Variants in WDFY4 observed in about 807,000 individuals in gnomAD.
WDFY4 encodes the protein WDFY family member 4.
Under a neutral mutation model 351.9 loss-of-function variants are expected in WDFY4, and 169 were observed. The ratio of observed to expected loss-of-function variants is 0.48; its 90% CI spans 0.42 to 0.55. The LOEUF (loss-of-function observed/expected upper bound fraction) is 0.55, where lower values mean the gene tolerates loss of function less well. Ranked by LOEUF, WDFY4 falls within the 20% of genes least tolerant of loss-of-function variation. The probability of loss-of-function intolerance (pLI) is 0.00; values close to 1 mark genes in which losing one functional copy is unlikely to be tolerated. For missense variants in WDFY4, 3,803 were observed against 3,935.6 expected, an observed-to-expected ratio of 0.97 and a Z score of 0.90; for synonymous variants, 1,622 against 1,574.6, an observed-to-expected ratio of 1.03 and a Z score of -0.71.
At chr10:48,771,507 G>C (rs935721449) in intron 13 of WDFY4, among the ~76,000 whole-genome samples, 1 of 152,148 alleles carries the variant, frequency 6.6e-6, no homozygotes, top group African/African-American at 2.4e-5. Flanking sequence ...AAAATGCTTA[G>C]AAAAGGGCCT....
chr10:48,805,805 G>A (rs2067234492), intron 26 of WDFY4, among the ~76,000 whole-genome samples, 199 bp from the exon 27 acceptor site: 1 of 152,300 alleles, frequency 6.6e-6, no homozygotes, highest in Non-Finnish European at 1.5e-5. Context: ...AATTGATCAG[G>A]TAGAGCCAGA....
At chr10:48,913,705 G>C (rs1239671860) in intron 47 of WDFY4, 6 of 1,612,446 alleles carry the variant, frequency 3.7e-6, no homozygotes, top group Non-Finnish European at 5.1e-6. Context: ...TTGTCATGGA[G>C]CCCTACCTCG....
chr10:48,731,089 C>T, intron 8 of WDFY4, 21 bp from the exon 9 acceptor site: 2 of 1,501,382 alleles, frequency 1.3e-6, no homozygotes, highest in Non-Finnish European at 1.8e-6. Context: ...CTTGTAAGAT[C>T]ATTCTTGTTT....
chr10:48,955,265 G>A (rs1476863793), intron 51 of WDFY4, among the ~76,000 whole-genome samples: 1 of 152,184 alleles, frequency 6.6e-6, no homozygotes, highest in Non-Finnish European at 1.5e-5. Flanking sequence ...AGAGCAAAGC[G>A]ACCTTGGGGA....
At position 48,832,533 on chromosome 10, in the gene WDFY4, C is replaced by G. The variant is rs756889571; in HGVS notation, c.6527-40C>G. ...GCTAGCTATAAAAATAGTGTGTGCT[C>G]TCACTTCACCTCTGACATTCTTTGC... On this transcript the variant is annotated intron_variant, in intron 38 of 61. Transcript: ENST00000325239. The G allele has an allele frequency of 4.7e-6, 7 of 1,496,202 alleles. No homozygotes were observed. The South Asian group carries it at 9.1e-5, about 19-fold the overall frequency. The allele number at this position is 1,496,202 out of a possible 1,614,324, so 92.7% of individuals were successfully genotyped here.
intron 39 of WDFY4, among the ~76,000 whole-genome samples, chr10:48,861,758 C>T (rs1254251376): frequency 6.6e-6 from 1 of 151,998 alleles, no homozygotes; most frequent in Non-Finnish European, 1.5e-5. Flanking sequence ...GGGATTTTTT[C>T]AGCCATTTTT....
At chr10:48,919,056 C>T (rs1417272362) in intron 47 of WDFY4, among the ~76,000 whole-genome samples, 1 of 152,062 alleles carries the variant, frequency 6.6e-6, no homozygotes, top group Admixed American at 6.6e-5. Context: ...TCCACTAACA[C>T]AGACTATATT....
intron 47 of WDFY4, among the ~76,000 whole-genome samples, chr10:48,911,801 CACTT>C (rs1288237450): frequency 1.3e-5 from 2 of 152,226 alleles, no homozygotes; most frequent in African/African-American, 4.8e-5. Flanking sequence ...CAATGAAAAA[CACTT>C]AATAAAGGGA....
intron 12 of WDFY4, chr10:48,746,174 C>G (rs1257639974): frequency 6.6e-6 from 1 of 152,362 alleles, no homozygotes; most frequent in African/African-American, 2.4e-5. Flanking sequence ...TTATTGAGAA[C>G]GATGCATTCA....
At chr10:48,705,663 G>T (rs1357865892) in intron 1 of WDFY4, among the ~76,000 whole-genome samples, 2 of 152,206 alleles carry the variant, frequency 1.3e-5, no homozygotes, top group East Asian at 1.9e-4. Context: ...GCAATTTCAG[G>T]GGTCCGCATT....
intron 47 of WDFY4, among the ~76,000 whole-genome samples, chr10:48,909,064 CCATTGAGATACATTCAAG>C (rs1837783888): frequency 6.6e-6 from 1 of 152,032 alleles, no homozygotes; most frequent in Non-Finnish European, 1.5e-5. Context: ...GAGAATAGTG[CCATTGAGATACATTCAAG>C]TTGTTGCATG....
intron 30 of WDFY4, among the ~76,000 whole-genome samples, chr10:48,813,369 A>G (rs777055653): frequency 1.3e-5 from 2 of 152,222 alleles, no homozygotes; most frequent in Non-Finnish European, 2.9e-5. Flanking sequence ...TTATTTCTCT[A>G]ACATATCTCA....
chr10:48,910,578 T>A (rs1236579188), intron 47 of WDFY4, among the ~76,000 whole-genome samples: 1 of 152,180 alleles, frequency 6.6e-6, no homozygotes, highest in East Asian at 1.9e-4. Flanking sequence ...GGTCTCTATC[T>A]CCAGTCTGCT....
chr10:48,825,359 T>C (rs1431832095), intron 35 of WDFY4, among the ~76,000 whole-genome samples: 1 of 152,228 alleles, frequency 6.6e-6, no homozygotes, highest in Non-Finnish European at 1.5e-5. Flanking sequence ...CAATCTATCA[T>C]TGATAGACAT....
At chr10:48,799,837 C>T (rs115726545) in intron 24 of WDFY4, among the ~76,000 whole-genome samples, 3,856 of 152,232 alleles carry the variant, frequency 0.025, 147 homozygotes, top group African/African-American at 0.088. Flanking sequence ...AGTCAGTGGA[C>T]TTTGGAAAAT....
intron 47 of WDFY4, among the ~76,000 whole-genome samples, chr10:48,915,884 G>T (rs143823445): frequency 6.6e-6 from 1 of 152,086 alleles, no homozygotes; most frequent in African/African-American, 2.4e-5. Flanking sequence ...CCCCATTTTC[G>T]GGCATAATTG....
intron 4 of WDFY4, 132 bp downstream of exon 4, chr10:48,721,499 T>C: frequency 3.8e-6 from 3 of 788,444 alleles, no homozygotes; most frequent in Non-Finnish European, 6.3e-6. Flanking sequence ...TTCTCCTCCC[T>C]CCTCCCCTTC....
Position 48,787,947 on chromosome 10 carries a change from T to TCTC in WDFY4, c.3809-581_3809-580insCCT, listed in dbSNP as rs1387569919. On this transcript the variant is annotated intron_variant, in intron 20 of 61. Transcript: ENST00000325239. Reference sequence around the variant, plus strand: ...TTCTTCTTCTTCTTCTTCTTCTTCTTCTTCTTCTTCTTCTTCTTCTTCTTC... The same window carrying TCTC: ...TTCTTCTTCTTCTTCTTCTTCTTCTTCTCCTTCTTCTTCTTCTTCTTCTTCTTC... Among the ~76,000 whole-genome samples, 464 of 85,718 alleles carry TCTC rather than the reference T, an allele frequency of 5.4e-3. 20 individuals carry two copies. Among genetic ancestry groups the TCTC allele is most frequent in the South Asian group, 0.013 (28 of 2,122 alleles). 56.2% of individuals were successfully genotyped at this position (85,718 alleles called of 152,430 possible). A position where few individuals can be genotyped will look rare whatever the true frequency, so the allele number is the denominator to read the frequency against.
At chr10:48,761,136 A>G (rs887126836) in intron 13 of WDFY4, among the ~76,000 whole-genome samples, 1 of 152,104 alleles carries the variant, frequency 6.6e-6, no homozygotes, top group Non-Finnish European at 1.5e-5. Context: ...CTGAAGGGTG[A>G]GTAGCTAGTG....
Sources: gnomAD v4.1 joint callset for allele counts (sites outside exome capture counted in the v4.1 genomes callset) on GRCh38, gnomAD v4.1.1 for gene constraint, MANE v1.5 for transcripts, NCBI Gene and HGNC (gene_info 2026-07-23, HGNC 2026-07-21) for gene names.